Variants in PDZD2 observed in about 807,000 individuals in gnomAD.
PDZD2 encodes PDZ domain-containing protein 2.
PDZD2 carries 90 observed loss-of-function variants against 220.7 expected under a neutral mutation model. The ratio of observed to expected loss-of-function variants is 0.41; its 90% confidence interval spans 0.34 to 0.49. The LOEUF (loss-of-function observed/expected upper bound fraction) is 0.49, where lower values mean the gene tolerates loss of function less well. Ranked by LOEUF, PDZD2 falls within the 20% of genes least tolerant of loss-of-function variation. The pLI is 0.28. For missense variants in PDZD2, 3,174 were observed against 3,608.5 expected (o/e 0.88, Z 3.08); for synonymous variants, 1,375 against 1,450.5 (o/e 0.95, Z 1.18).
At chr5:32,021,884 C>G (rs1368670247) in intron 6 of PDZD2, among the ~76,000 whole-genome samples, 1 of 152,204 alleles carries the variant, frequency 6.6e-6, no homozygotes, top group Non-Finnish European at 1.5e-5. Flanking sequence ...TACCCCTCCT[C>G]TTTAGCTCCT....
chr5:31,651,507 T>G (rs752821573), intron 1 of PDZD2, among the ~76,000 whole-genome samples: 4 of 152,232 alleles, frequency 2.6e-5, no homozygotes, highest in Admixed American at 6.5e-5. Flanking sequence ...TGTGCTGTTC[T>G]CATGGGGAAT....
rs757315045 is a variant in PDZD2, at chr5:32,088,655, A to G, written c.5207A>G (p.His1736Arg). ...SSPNMVNGLE[H>R]DLLDDETLNQ... ...CCCAACATGGTAAATGGCTTGGAAC[A>G]TGACCTGCTAGATGACGAAACCCTG... The change falls in exon 20 of 25, where the codon CAT (histidine) becomes CGT (arginine). Residue 1736 changes from histidine to arginine, a missense_variant. By Grantham distance (29) the His-to-Arg change is conservative (BLOSUM62 0). Around this residue, in one of 4 missense-constraint regions of PDZD2, gnomAD observed 1,861 missense variants for 2,001.0 expected, o/e 0.93. Coordinates refer to ENST00000438447, the MANE Select transcript of PDZD2 (RefSeq NM_178140.4). This position sits in a 1 kb window ranked among gnomAD's most constrained non-coding sequence, Gnocchi z 4.6. 9 of 1,613,940 alleles carry G rather than the reference A, an allele frequency of 5.6e-6. No individual in the cohort carries two copies. The Admixed American group carries it at 1.3e-4, about 24-fold the overall frequency.
intron 2 of PDZD2, among the ~76,000 whole-genome samples, chr5:31,920,261 G>A (rs1185165342): frequency 1.3e-5 from 2 of 151,332 alleles, no homozygotes; most frequent in Non-Finnish European, 3.0e-5. Flanking sequence ...TCCAGCCTTG[G>A]TAACAGAGTG....
intron 6 of PDZD2, among the ~76,000 whole-genome samples, chr5:32,029,626 C>T (rs756200975): frequency 6.6e-6 from 1 of 152,160 alleles, no homozygotes; most frequent in Non-Finnish European, 1.5e-5. Flanking sequence ...CAACCTCAGT[C>T]TTTTATGATG....
intron 22 of PDZD2, 30 bp downstream of exon 22, chr5:32,097,410 A>G: frequency 7.4e-7 from 1 of 1,343,792 alleles, no homozygotes; most frequent in Non-Finnish European, 1.1e-6. Context: ...GGCTCTCAGG[A>G]AAATCCCCCC....
In PDZD2 at chr5:31,991,937, G is replaced by T. The variant is rs1751249028; in HGVS notation, c.979-3639G>T. On this transcript the variant is annotated intron_variant, in intron 3 of 24. Coordinates refer to ENST00000438447, the MANE Select transcript of PDZD2 (RefSeq NM_178140.4). The stretch of plus-strand genomic sequence containing the variant: ...AATCCCAGCTACTCGGGAGGCTGAG[G>T]CAGGAGAATCACTTGAACCCAGGAG... Among the ~76,000 whole-genome samples the T allele has an allele frequency of 2.6e-5, 4 of 152,174 alleles. No homozygotes were observed. In the South Asian group the frequency reaches 8.3e-4, roughly 32 times the overall value.
At chr5:31,753,882 G>T (rs1248814068) in intron 1 of PDZD2, among the ~76,000 whole-genome samples, 1 of 152,184 alleles carries the variant, frequency 6.6e-6, no homozygotes, top group Non-Finnish European at 1.5e-5. Context: ...AGGACATCTA[G>T]ATGCTTCTCC....
intron 7 of PDZD2, among the ~76,000 whole-genome samples, chr5:32,044,924 A>T (rs145297300): frequency 3.3e-4 from 50 of 152,338 alleles, no homozygotes; most frequent in Admixed American, 8.5e-4. Context: ...AGTGCTGTGA[A>T]ATATGTTCAT....
chr5:31,954,434 C>T (rs913627162), intron 2 of PDZD2, among the ~76,000 whole-genome samples: 4 of 140,334 alleles, frequency 2.9e-5, no homozygotes, highest in Admixed American at 7.0e-5. Context: ...ATAGCATTGC[C>T]AATTTGTTGT....
chr5:32,068,139 T>C (rs1740385404), intron 14 of PDZD2, among the ~76,000 whole-genome samples: 1 of 138,326 alleles, frequency 7.2e-6, no homozygotes, highest in Admixed American at 6.9e-5. Context: ...GTACTTTTTC[T>C]GCCAAAAAAA....
At chr5:31,706,641 C>T (rs1293127565) in intron 1 of PDZD2, among the ~76,000 whole-genome samples, 5 of 151,908 alleles carry the variant, frequency 3.3e-5, no homozygotes, top group South Asian at 2.1e-4. Flanking sequence ...GTCAGGAGAT[C>T]GAGACCATCC....
chr5:32,048,690 A>G lies in PDZD2; in HGVS notation c.1665+6A>G. ...ACTCTTCCAGTGCCTCACAGGTCCG[A>G]CCAGGGCTGTGGATCTTTTCAAAGA... On this transcript the variant is annotated splice_donor_region_variant and intron_variant, in intron 8 of 24. Transcript: ENST00000438447. 1 of 1,613,814 alleles carries G rather than the reference A, an allele frequency of 6.2e-7. No homozygotes were observed. Among genetic ancestry groups the G allele is most frequent in the Non-Finnish European group, 8.5e-7 (1 of 1,179,790 alleles).
intron 10 of PDZD2, among the ~76,000 whole-genome samples, 163 bp downstream of exon 10, chr5:32,054,046 T>A (rs1042192098): frequency 2.0e-5 from 3 of 152,198 alleles, no homozygotes; most frequent in African/African-American, 7.2e-5. Context: ...AGTTGTAAAC[T>A]TGGAATATTA....
chr5:31,848,062 C>A (rs62360845), intron 2 of PDZD2: 29,514 of 360,972 alleles, frequency 0.082, 1,420 homozygotes, highest in Middle Eastern at 0.12. Context: ...AGAGGTGGAA[C>A]TATCCCAAAA....
At chr5:31,702,121 C>G (rs890675939) in intron 1 of PDZD2, among the ~76,000 whole-genome samples, 18 of 152,324 alleles carry the variant, frequency 1.2e-4, no homozygotes, top group Admixed American at 1.0e-3. Context: ...CTCATTTGTT[C>G]TTCATATTTA....
At chr5:31,878,565 T>TTTTTTTTTTTTTTTC (rs1739543546) in intron 2 of PDZD2, among the ~76,000 whole-genome samples, 1 of 109,142 alleles carries the variant, frequency 9.2e-6, no homozygotes. Flanking sequence ...CTTTTTTTTT[T>TTTTTTTTTTTTTTTC]TTTTTTTTTT....
intron 1 of PDZD2, among the ~76,000 whole-genome samples, chr5:31,643,736 T>C (rs966489065): frequency 5.3e-5 from 8 of 152,214 alleles, no homozygotes; most frequent in Admixed American, 2.6e-4. Context: ...GTCTCACTTA[T>C]TAGTGAAGCG....
chr5:31,665,764 T>G (rs1745965556), intron 1 of PDZD2, among the ~76,000 whole-genome samples: 1 of 151,604 alleles, frequency 6.6e-6, no homozygotes. Context: ...TAATTAAAGC[T>G]GTTCTCTTTA....
intron 1 of PDZD2, among the ~76,000 whole-genome samples, chr5:31,778,982 C>T (rs1425296425): frequency 6.6e-6 from 1 of 151,912 alleles, no homozygotes; most frequent in Non-Finnish European, 1.5e-5. Context: ...CTACTTTCTC[C>T]TCACATATTA....
Sources: gnomAD v4.1 joint callset for allele counts (sites outside exome capture counted in the v4.1 genomes callset) on GRCh38, gnomAD v4.1.1 for gene constraint, gnomAD v4.1.1 regional missense constraint, Gnocchi (gnomAD v3.1) non-coding constraint, MANE v1.5 for transcripts, NCBI Gene and HGNC (gene_info 2026-07-23, HGNC 2026-07-21) for gene names.